The following CNTNAP5 variants were observed in gnomAD, a reference collection of about 807,000 sequenced individuals.
The protein encoded by CNTNAP5 is contactin-associated protein-like 5.
A neutral mutation model predicts 150.2 loss-of-function variants in CNTNAP5; 72 were observed. That is an observed-to-expected ratio of 0.48 (90% CI 0.40 to 0.58). The LOEUF is 0.58. CNTNAP5 is among the 20% of genes least tolerant of loss of function. CNTNAP5 has a pLI of 0.00. For missense variants in CNTNAP5, 1,636 were observed against 1,626.2 expected, an observed-to-expected ratio of 1.01 and a Z score of -0.10; for synonymous variants, 672 against 619.8, an observed-to-expected ratio of 1.08 and a Z score of -1.25.
intron 1 of CNTNAP5, among the ~76,000 whole-genome samples, chr2:124,036,616 G>T (rs189984410): frequency 1.3e-3 from 205 of 152,126 alleles, no homozygotes; most frequent in African/African-American, 4.7e-3. Flanking sequence ...CCAAAGAAAT[G>T]AAACCAAGCA....
rs1692996416 is a variant in CNTNAP5, at chr2:124,452,109, A to G, written c.918+5172A>G. 2.0e-5 allele frequency among the ~76,000 whole-genome samples: 3 copies of G among 152,166 alleles called. 1 individual carries two copies. The South Asian group carries it at 6.2e-4, about 32-fold the overall frequency. ...CAGGTCGGGGAAGCAGGAAAGCCCT[A>G]CTTATTTTTGCAGCTGTGAGGTGGG... On this transcript the variant is annotated intron_variant, in intron 6 of 23. Coordinates refer to ENST00000682447, the MANE Select transcript of CNTNAP5 (RefSeq NM_001367498.1).
At chr2:124,419,895 G>GTTTTCT (rs1275096655) in intron 4 of CNTNAP5, among the ~76,000 whole-genome samples, 1 of 98,880 alleles carries the variant, frequency 1.0e-5, no homozygotes, top group Non-Finnish European at 2.2e-5. Context: ...GACTGGATTG[G>GTTTTCT]TTTTCTTTCT....
At chr2:124,216,893 G>C (rs1686171972) in intron 1 of CNTNAP5, among the ~76,000 whole-genome samples, 1 of 152,046 alleles carries the variant, frequency 6.6e-6, no homozygotes, top group Non-Finnish European at 1.5e-5. Context: ...ATAATCCTTT[G>C]GGTATATACC....
chr2:124,789,100 A>G (rs1681662943), intron 17 of CNTNAP5, among the ~76,000 whole-genome samples: 1 of 151,924 alleles, frequency 6.6e-6, no homozygotes, highest in African/African-American at 2.4e-5. Flanking sequence ...TCCACCTTCC[A>G]CTCCACTGCA....
In CNTNAP5 at chr2:124,456,972, G is replaced by A. The variant is rs797011525; in HGVS notation, c.918+10035G>A. ...GAAACTACGAAAGTTCTAGAAGATGGCATTAGGGAAACCCTTCTAGACATT... is the reference window on the plus strand; with the variant it reads ...GAAACTACGAAAGTTCTAGAAGATGACATTAGGGAAACCCTTCTAGACATT... On this transcript the variant is annotated intron_variant, in intron 6 of 23. Coordinates refer to ENST00000682447, the MANE Select transcript of CNTNAP5 (RefSeq NM_001367498.1). Among the ~76,000 whole-genome samples, 13 of 152,302 alleles carry A rather than the reference G, an allele frequency of 8.5e-5. 1 individual carries two copies. The highest frequency in any genetic ancestry group is 3.1e-4 in the African/African-American group (13 of 41,590).
intron 1 of CNTNAP5, among the ~76,000 whole-genome samples, chr2:124,143,950 G>T (rs1292223269): frequency 2.0e-5 from 3 of 149,244 alleles, no homozygotes; most frequent in East Asian, 2.0e-4. Flanking sequence ...AAAGTCTCAG[G>T]ATACAAAATC....
At chr2:124,142,852 G>A (rs1166119522) in intron 1 of CNTNAP5, among the ~76,000 whole-genome samples, 1 of 151,196 alleles carries the variant, frequency 6.6e-6, no homozygotes. Flanking sequence ...AAATCCAGGA[G>A]CTGGTTTTTT....
intron 8 of CNTNAP5, among the ~76,000 whole-genome samples, chr2:124,515,287 C>A (rs545878109): frequency 6.6e-6 from 1 of 152,098 alleles, no homozygotes; most frequent in Non-Finnish European, 1.5e-5. Context: ...TGGGGCAGAG[C>A]GGGGGGTGTC....
chr2:124,644,694 G>A (rs977690793), intron 12 of CNTNAP5, among the ~76,000 whole-genome samples: 4 of 152,128 alleles, frequency 2.6e-5, no homozygotes, highest in East Asian at 1.9e-4. Flanking sequence ...GATGATACAG[G>A]TGGAAAAAAT....
intron 6 of CNTNAP5, among the ~76,000 whole-genome samples, chr2:124,471,084 A>G (rs1358029871): frequency 6.6e-6 from 1 of 152,122 alleles, no homozygotes; most frequent in Non-Finnish European, 1.5e-5. Flanking sequence ...AAATTTTAAA[A>G]GAGTTTCTTC....
chr2:124,361,247 G>C (rs1488595448), intron 3 of CNTNAP5, among the ~76,000 whole-genome samples: 1 of 143,448 alleles, frequency 7.0e-6, no homozygotes, highest in East Asian at 2.1e-4. Flanking sequence ...CTTTGCCTTT[G>C]GTTTGAATGT....
chr2:124,230,059 T>G (rs1323444621), intron 2 of CNTNAP5, among the ~76,000 whole-genome samples: 1 of 152,122 alleles, frequency 6.6e-6, no homozygotes, highest in African/African-American at 2.4e-5. Context: ...AGAATTTGAT[T>G]TCTTATGTCA....
rs138272324 is a variant in CNTNAP5, at chr2:124,524,219, G to A, written c.1328-84G>A. 7.5e-5 allele frequency: 106 copies of A among 1,414,008 alleles called. No individual in the cohort carries two copies. In the African/African-American group the frequency reaches 9.6e-4, roughly 13 times the overall value. The allele number at this position is 1,414,008 out of a possible 1,614,324, so 87.6% of individuals were successfully genotyped here. On this transcript the variant is annotated intron_variant, in intron 8 of 23. Coordinates refer to ENST00000682447, the MANE Select transcript of CNTNAP5 (RefSeq NM_001367498.1). ...GGTTTGCTCTGAGAATGGCATGGAC[G>A]GCAGCAGGCTGGGAAATGAGCCCCC...
intron 13 of CNTNAP5, among the ~76,000 whole-genome samples, chr2:124,660,226 C>T (rs892986795): frequency 2.6e-5 from 4 of 152,086 alleles, no homozygotes; most frequent in African/African-American, 4.8e-5. Flanking sequence ...GTAGAGAGAA[C>T]GCACTGAGTC....
At chr2:124,219,176 A>T (rs1686239795) in intron 1 of CNTNAP5, among the ~76,000 whole-genome samples, 1 of 152,168 alleles carries the variant, frequency 6.6e-6, no homozygotes, top group Admixed American at 6.6e-5. Flanking sequence ...ATACAGGGGT[A>T]CAGTCAATTC....
intron 3 of CNTNAP5, among the ~76,000 whole-genome samples, chr2:124,396,367 T>C (rs1476312582): frequency 6.6e-6 from 1 of 152,186 alleles, no homozygotes; most frequent in Non-Finnish European, 1.5e-5. Flanking sequence ...CAGACCTCCC[T>C]GGTATTGGTG....
intron 1 of CNTNAP5, among the ~76,000 whole-genome samples, chr2:124,039,787 A>T (rs1434024988): frequency 6.6e-6 from 1 of 152,194 alleles, no homozygotes; most frequent in African/African-American, 2.4e-5. Flanking sequence ...AGCAATAATT[A>T]AATATAGGAT....
At chr2:124,565,735 G>T (rs1273934464) in intron 11 of CNTNAP5, among the ~76,000 whole-genome samples, 1 of 151,730 alleles carries the variant, frequency 6.6e-6, no homozygotes, top group African/African-American at 2.4e-5. Flanking sequence ...GAGTAGCTGG[G>T]ACTACAGGTG....
At chr2:124,619,133 A>G (rs1213543350) in intron 12 of CNTNAP5, among the ~76,000 whole-genome samples, 2 of 152,200 alleles carry the variant, frequency 1.3e-5, no homozygotes, top group African/African-American at 4.8e-5. Context: ...TCTGGAATGG[A>G]TGCAGAGCAT....
Sources: gnomAD v4.1 joint callset for allele counts (sites outside exome capture counted in the v4.1 genomes callset) on GRCh38, gnomAD v4.1.1 for gene constraint, MANE v1.5 for transcripts, NCBI Gene and HGNC (gene_info 2026-07-23, HGNC 2026-07-21) for gene names.